ARID2: variants seen among roughly 807,000 people sequenced by gnomAD.
ARID2 encodes AT-rich interactive domain-containing protein 2.
A neutral mutation model predicts 184.6 loss-of-function variants in ARID2; 32 were observed. The observed-to-expected ratio is 0.17, with a 90% CI of 0.13 to 0.23. ARID2 has a LOEUF of 0.23. Ranked by LOEUF, ARID2 falls within the 10% of genes least tolerant of loss-of-function variation. The pLI, the probability that ARID2 is intolerant of heterozygous loss-of-function variation, is 1.00. For missense variants in ARID2, 1,696 were observed against 2,197.6 expected (o/e 0.77, Z 4.56); for synonymous variants, 836 against 772.6 (o/e 1.08, Z -1.36).
intron 3 of ARID2, among the ~76,000 whole-genome samples, chr12:45,810,009 G>A (rs1942674990): frequency 6.6e-6 from 1 of 152,164 alleles, no homozygotes; most frequent in Non-Finnish European, 1.5e-5. Flanking sequence ...GCAGAGGGTA[G>A]GTAGCTGCCA....
chr12:45,887,667 C>T (rs1944217486), intron 16 of ARID2, among the ~76,000 whole-genome samples: 1 of 152,134 alleles, frequency 6.6e-6, no homozygotes, highest in Non-Finnish European at 1.5e-5. Flanking sequence ...GAGATGGAGT[C>T]CTGCTAACAG....
chr12:45,797,523 C>T (rs1393824819), intron 3 of ARID2, among the ~76,000 whole-genome samples: 1 of 152,134 alleles, frequency 6.6e-6, no homozygotes, highest in African/African-American at 2.4e-5. Context: ...TGTGAGCCAC[C>T]ACTCCCAGCC....
At chr12:45,867,467 G>C (rs966615179) in intron 16 of ARID2, among the ~76,000 whole-genome samples, 3 of 151,532 alleles carry the variant, frequency 2.0e-5, no homozygotes, top group Non-Finnish European at 4.4e-5. Flanking sequence ...TGCTGGCCGG[G>C]CGCAGTGGCT....
At chr12:45,854,875 G>A (rs1031477180) in intron 15 of ARID2, among the ~76,000 whole-genome samples, 5 of 152,126 alleles carry the variant, frequency 3.3e-5, no homozygotes, top group African/African-American at 9.7e-5. Flanking sequence ...ACCTTATTAG[G>A]TAAAATTTAT....
At position 45,790,022 on chromosome 12, in the gene ARID2, G is replaced by T. The variant is rs779130023; in HGVS notation, c.285-21396G>T. Among the ~76,000 whole-genome samples, 40 of 152,046 alleles carry T rather than the reference G, an allele frequency of 2.6e-4. 1 individual carries two copies. Among genetic ancestry groups the T allele is most frequent in the Admixed American group, 1.8e-3 (27 of 15,260 alleles). On this transcript the variant is annotated intron_variant, in intron 3 of 20. Coordinates refer to ENST00000334344, the MANE Select transcript of ARID2 (RefSeq NM_152641.4). The stretch of plus-strand genomic sequence containing the variant: ...GAGCAGCTCACAATTTATGTGATTC[G>T]AATGGAAATGATATAAACTTTTCCA...
intron 6 of ARID2, among the ~76,000 whole-genome samples, chr12:45,835,764 G>T (rs1423058308): frequency 6.6e-6 from 1 of 152,088 alleles, no homozygotes; most frequent in Non-Finnish European, 1.5e-5. Context: ...GTTGGGCGTG[G>T]TGGCGCGTGC....
chr12:45,899,580 T>C (rs1469327917), intron 20 of ARID2, among the ~76,000 whole-genome samples: 1 of 149,380 alleles, frequency 6.7e-6, no homozygotes, highest in African/African-American at 2.4e-5. Flanking sequence ...CACTCCAGCC[T>C]GGGCGACAGA....
intron 16 of ARID2, among the ~76,000 whole-genome samples, chr12:45,869,948 A>T (rs955861675): frequency 2.6e-5 from 4 of 152,132 alleles, no homozygotes; most frequent in Non-Finnish European, 4.4e-5. Flanking sequence ...CACAATAGTG[A>T]TAATATTCAT....
At chr12:45,764,961 A>T (rs1176625996) in intron 3 of ARID2, among the ~76,000 whole-genome samples, 2 of 152,230 alleles carry the variant, frequency 1.3e-5, no homozygotes, top group Non-Finnish European at 2.9e-5. Context: ...TTGTGTTTCC[A>T]TTAGCAATAT....
rs182680924 is a variant in ARID2, at chr12:45,843,010, A to T, written c.1498+3514A>T. Among the ~76,000 whole-genome samples the T allele has an allele frequency of 3.0e-3, 451 of 152,242 alleles. 2 individuals are homozygous for T. The highest frequency in any genetic ancestry group is 5.1e-3 in the Non-Finnish European group (344 of 68,012). On this transcript the variant is annotated intron_variant, in intron 11 of 20. Transcript: ENST00000334344. The stretch of plus-strand genomic sequence containing the variant: ...GAATTTACAGTTCTTTGAACTTCAG[A>T]ATTATCCAAAAAGTATTAAACTTAT...
At chr12:45,856,468 G>A (rs1037452386) in intron 15 of ARID2, among the ~76,000 whole-genome samples, 54 of 152,186 alleles carry the variant, frequency 3.5e-4, no homozygotes, top group African/African-American at 1.3e-3. Flanking sequence ...ACAAAATAGA[G>A]GATTTTAATT....
chr12:45,740,266 CT>C (rs1941223659), intron 3 of ARID2, among the ~76,000 whole-genome samples: 1 of 152,008 alleles, frequency 6.6e-6, no homozygotes, highest in Admixed American at 6.5e-5. Context: ...CCATTATTTT[CT>C]TCTTTTTTTG....
intron 6 of ARID2, among the ~76,000 whole-genome samples, chr12:45,836,333 C>T (rs541704540): frequency 1.3e-5 from 2 of 152,176 alleles, no homozygotes; most frequent in Non-Finnish European, 2.9e-5. Context: ...CCTCAGCCTC[C>T]CAAGTAGCTG....
In ARID2 at chr12:45,745,909, G is replaced by T. The variant is rs149266001; in HGVS notation, c.284+14595G>T. Among the ~76,000 whole-genome samples the T allele has an allele frequency of 3.3e-3, 502 of 151,876 alleles. 2 individuals are homozygous for T. Among genetic ancestry groups the T allele is most frequent in the African/African-American group, 0.012 (488 of 41,398 alleles). ...TAAGAGAGAAAAAACACTTTTTACT[G>T]CAAATATTCTTTATATTAAATATTT... On this transcript the variant is annotated intron_variant, in intron 3 of 20. Transcript: ENST00000334344.
At chr12:45,898,686 C>T (rs764354752) in intron 20 of ARID2, among the ~76,000 whole-genome samples, 21 of 152,012 alleles carry the variant, frequency 1.4e-4, no homozygotes, top group Admixed American at 8.5e-4. Flanking sequence ...GAGGCTGAGG[C>T]GGGCGGATCA....
intron 20 of ARID2, among the ~76,000 whole-genome samples, chr12:45,898,913 CAAAT>C (rs777988424): frequency 3.3e-5 from 5 of 151,820 alleles, no homozygotes; most frequent in Non-Finnish European, 5.9e-5. Context: ...GATTGCATCT[CAAAT>C]AAATAAATAG....
chr12:45,885,874 C>T (rs1026484706), intron 16 of ARID2, among the ~76,000 whole-genome samples: 1 of 152,196 alleles, frequency 6.6e-6, no homozygotes, highest in Admixed American at 6.5e-5. Context: ...CTGGGTCCCT[C>T]CTATGACAAG....
At chr12:45,893,818 T>G in intron 20 of ARID2, 97 bp downstream of exon 20, 2 of 1,129,144 alleles carry the variant, frequency 1.8e-6, no homozygotes, top group Non-Finnish European at 2.4e-6. Flanking sequence ...CTTCATTGTT[T>G]TTCTCATCAA....
intron 3 of ARID2, among the ~76,000 whole-genome samples, chr12:45,807,611 A>G (rs1443407431): frequency 1.3e-5 from 2 of 152,178 alleles, no homozygotes; most frequent in Non-Finnish European, 2.9e-5. Context: ...AGAAAAAATT[A>G]GTTCTAATTT....
Sources: gnomAD v4.1 joint callset for allele counts (sites outside exome capture counted in the v4.1 genomes callset) on GRCh38, gnomAD v4.1.1 for gene constraint, MANE v1.5 for transcripts, NCBI Gene and HGNC (gene_info 2026-07-23, HGNC 2026-07-21) for gene names.